The following LPCAT1 variants were observed in gnomAD, a reference collection of about 807,000 sequenced individuals.
The protein encoded by LPCAT1 is lysophosphatidylcholine acyltransferase 1, also known as 1-acylglycerol-3-phosphate O-acyltransferase.
Under a neutral mutation model 60.9 loss-of-function variants are expected in LPCAT1, and 23 were observed. The ratio of observed to expected loss-of-function variants is 0.38; its 90% CI spans 0.27 to 0.53. The LOEUF (loss-of-function observed/expected upper bound fraction) is 0.53, where lower values mean the gene tolerates loss of function less well. Among genes scored for constraint, LPCAT1 ranks in the 20% least tolerant of loss-of-function variants. LPCAT1 has a pLI of 0.82. For missense variants in LPCAT1, 622 were observed against 723.6 expected (o/e 0.86, Z 1.61); for synonymous variants, 340 against 301.1 (o/e 1.13, Z -1.34).
In LPCAT1 at chr5:1,522,465, G is replaced by C. The variant is rs375622214; in HGVS notation, c.135+1245C>G. Among the ~76,000 whole-genome samples, 1,784 of 152,240 alleles carry C rather than the reference G, an allele frequency of 0.012. 45 individuals are homozygous for C. The highest frequency in any genetic ancestry group is 0.041 in the African/African-American group (1,695 of 41,534). ...CCGACACACAGGGAGACGGGGGCCA[G>C]GGCCTGGGAGCCAGGCTGGGGACGA... On this transcript the variant is annotated intron_variant, in intron 1 of 13. Transcript: ENST00000283415. This position sits in a 1 kb window ranked among gnomAD's most constrained non-coding sequence, Gnocchi z 6.8.
chr5:1,482,702 T>G (rs1241335236), intron 6 of LPCAT1, among the ~76,000 whole-genome samples: 1 of 23,628 alleles, frequency 4.2e-5, no homozygotes, highest in African/African-American at 1.8e-4. Flanking sequence ...TGGGGTGTGA[T>G]GGGCCAGGGC....
intron 1 of LPCAT1, among the ~76,000 whole-genome samples, chr5:1,512,523 C>T (rs981347853): frequency 6.6e-6 from 1 of 152,226 alleles, no homozygotes; most frequent in Non-Finnish European, 1.5e-5. Context: ...GAAGTGCCCA[C>T]GGGGGGCCAC....
Position 1,523,581 on chromosome 5 carries a change from G to A in LPCAT1, c.135+129C>T, listed in dbSNP as rs1332655000. On this transcript the variant is annotated intron_variant, in intron 1 of 13. Coordinates refer to ENST00000283415, the MANE Select transcript of LPCAT1 (RefSeq NM_024830.5). This position sits in a 1 kb window ranked among gnomAD's most constrained non-coding sequence, Gnocchi z 7.1. Reference sequence around the variant, plus strand: ...TGAGGGGCGGCCGCGGGGAGGGAAGGCGCCGCGGCTCGCAGGGCCGCGCCG... The same window carrying A: ...TGAGGGGCGGCCGCGGGGAGGGAAGACGCCGCGGCTCGCAGGGCCGCGCCG... The A allele has an allele frequency of 1.4e-5, 8 of 557,678 alleles. No individual in the cohort carries two copies. Among genetic ancestry groups the A allele is most frequent in the Non-Finnish European group, 1.8e-5 (8 of 436,248 alleles). 34.5% of individuals were successfully genotyped at this position (557,678 alleles called of 1,614,324 possible). A position where few individuals can be genotyped will look rare whatever the true frequency, so the allele number is the denominator to read the frequency against.
chr5:1,465,664 C>T (rs190492108), intron 13 of LPCAT1, among the ~76,000 whole-genome samples: 7 of 151,778 alleles, frequency 4.6e-5, no homozygotes, highest in Non-Finnish European at 7.4e-5. Flanking sequence ...TAAACACGTG[C>T]GCTTTCAAAA....
Position 1,473,943 on chromosome 5 carries a change from G to C in LPCAT1, c.1179+14C>G. The stretch of plus-strand genomic sequence containing the variant: ...GTTTTGCCGACACCCCGCTCCGCAG[G>C]CGACAGGCCCTACCTCGTCGAACAG... On this transcript the variant is annotated intron_variant, in intron 11 of 13. Coordinates refer to ENST00000283415, the MANE Select transcript of LPCAT1 (RefSeq NM_024830.5). 6.2e-7 allele frequency: 1 copy of C among 1,609,242 alleles called. No homozygotes were observed. The highest frequency in any genetic ancestry group is 8.5e-7 in the Non-Finnish European group (1 of 1,176,740).
chr5:1,501,277 C>G (rs747602861), intron 2 of LPCAT1, among the ~76,000 whole-genome samples, 184 bp downstream of exon 2: 1 of 152,194 alleles, frequency 6.6e-6, no homozygotes, highest in African/African-American at 2.4e-5. Flanking sequence ...GCGTGGAAGA[C>G]AGAGGCAACG....
chr5:1,485,741 C>T (rs1400504729), intron 5 of LPCAT1, among the ~76,000 whole-genome samples: 1 of 151,868 alleles, frequency 6.6e-6, no homozygotes, highest in Non-Finnish European at 1.5e-5. Context: ...ACAGCCACAT[C>T]CATGTTTGCT....
At position 1,487,776 on chromosome 5, in the gene LPCAT1, C is replaced by T. The variant is rs1192484042; in HGVS notation, c.667+615G>A. ...CAGGATCCAGGTGGACCCTCTGACA[C>T]GCCCAAGGGTGTGCAGAATTCCAAA... is the stretch of plus-strand genomic sequence containing the variant. On this transcript the variant is annotated intron_variant, in intron 5 of 13. Coordinates refer to ENST00000283415, the MANE Select transcript of LPCAT1 (RefSeq NM_024830.5). The surrounding 1 kb of genome is among the most constrained non-coding windows in gnomAD (Gnocchi z 6.1). Among the ~76,000 whole-genome samples, 1 of 152,126 alleles carries T rather than the reference C, an allele frequency of 6.6e-6. No individual in the cohort carries two copies. The highest frequency in any genetic ancestry group is 1.5e-5 in the Non-Finnish European group (1 of 68,038).
chr5:1,520,860 C>CA (rs59074953), intron 1 of LPCAT1, among the ~76,000 whole-genome samples: 2,895 of 81,908 alleles, frequency 0.035, 152 homozygotes, highest in African/African-American at 0.13. Context: ...GAGACTGTCT[C>CA]AAAAAAAAAA....
chr5:1,507,965 A>G (rs1227724423), intron 1 of LPCAT1, among the ~76,000 whole-genome samples: 1 of 152,098 alleles, frequency 6.6e-6, no homozygotes, highest in East Asian at 1.9e-4. Flanking sequence ...GAGCTGGAGG[A>G]CCCTCCTGAT....
In LPCAT1 at chr5:1,474,645, A is replaced by C. The variant is rs776426210; in HGVS notation, c.940T>G (p.Cys314Gly). ...VSVTDYTFED[C>G]QLALAEGQLR... Reference sequence around the variant, plus strand: ...TGTCCTTCCGCCAGGGCCAGCTGGCAGTCCTCGAACGTGTAGTCAGTCACG... The same window carrying C: ...TGTCCTTCCGCCAGGGCCAGCTGGCCGTCCTCGAACGTGTAGTCAGTCACG... The change falls in exon 10 of 14, where the codon TGC (cysteine) becomes GGC (glycine). Residue 314 changes from cysteine to glycine, a missense_variant. Cys to Gly is a radical substitution (Grantham distance 159). Coordinates refer to ENST00000283415, the MANE Select transcript of LPCAT1 (RefSeq NM_024830.5). The C allele has an allele frequency of 1.2e-6, 2 of 1,613,982 alleles. No homozygotes were observed. Among genetic ancestry groups the C allele is most frequent in the Admixed American group, 3.3e-5 (2 of 60,004 alleles).
chr5:1,464,647 A>G (rs1318620727), intron 13 of LPCAT1, among the ~76,000 whole-genome samples: 3 of 151,280 alleles, frequency 2.0e-5, no homozygotes, highest in Non-Finnish European at 4.4e-5. Flanking sequence ...ATGCGTGCAC[A>G]CACACACACA....
intron 1 of LPCAT1, among the ~76,000 whole-genome samples, chr5:1,519,432 C>A (rs1736605029): frequency 1.3e-5 from 2 of 152,258 alleles, no homozygotes; most frequent in African/African-American, 4.8e-5. Flanking sequence ...TTGAACCCCC[C>A]TTCCCATTTT....
chr5:1,463,758 T>A lies in LPCAT1; in HGVS notation c.1498A>T (p.Ser500Cys), dbSNP rs1377761661. 1 of 1,614,250 alleles carries A rather than the reference T, an allele frequency of 6.2e-7. No homozygotes were observed. The highest frequency in any genetic ancestry group is 2.2e-5 in the East Asian group (1 of 44,878). ...YLYPDQTHFE[S>C]CAETSPAPIP... is the part of the protein sequence containing the mutation. Reference sequence around the variant, plus strand: ...GGCGCAGGTGAGGTCTCTGCACAGCTTTCGAAATGTGTCTGATCCGGGTAC... The same window carrying A: ...GGCGCAGGTGAGGTCTCTGCACAGCATTCGAAATGTGTCTGATCCGGGTAC... The change falls in exon 14 of 14, where the codon AGC becomes TGC. Residue 500 changes from serine (S) to cysteine (C), a missense_variant. Physicochemically the swap from Ser to Cys is moderately radical, Grantham distance 112. Transcript: ENST00000283415.
At chr5:1,511,375 G>A (rs568067075) in intron 1 of LPCAT1, among the ~76,000 whole-genome samples, 38 of 151,780 alleles carry the variant, frequency 2.5e-4, no homozygotes, top group South Asian at 8.3e-4. Context: ...CTCACCCTAC[G>A]TGGGGACATC....
At chr5:1,469,444 G>C (rs762072057) in intron 12 of LPCAT1, among the ~76,000 whole-genome samples, 1 of 152,214 alleles carries the variant, frequency 6.6e-6, no homozygotes, top group Non-Finnish European at 1.5e-5. Context: ...GCTGTCATTC[G>C]TTCCAGGTTA....
intron 2 of LPCAT1, among the ~76,000 whole-genome samples, chr5:1,498,281 T>G (rs188310392): frequency 4.7e-4 from 71 of 152,326 alleles, no homozygotes; most frequent in African/African-American, 1.6e-3. Flanking sequence ...TGACTAGGTT[T>G]CCCCTTGGGG....
In LPCAT1 at chr5:1,496,523, G is replaced by GC. The variant is rs1342046495; in HGVS notation, c.279-1610dup. Among the ~76,000 whole-genome samples the GC allele has an allele frequency of 2.0e-5, 3 of 152,070 alleles. No homozygotes were observed. The highest frequency in any genetic ancestry group is 2.1e-4 in the South Asian group (1 of 4,824). On this transcript the variant is annotated intron_variant, in intron 2 of 13. Coordinates refer to ENST00000283415, the MANE Select transcript of LPCAT1 (RefSeq NM_024830.5). This position sits in a 1 kb window ranked among gnomAD's most constrained non-coding sequence, Gnocchi z 4.7. ...AGGGAGAAGCGAGGCTGCAGAGGAG[G>GC]CTGCGGCGGGCACAGGAGCCAGTCT...
chr5:1,466,312 G>T (rs1006378204), intron 13 of LPCAT1, among the ~76,000 whole-genome samples: 3 of 152,134 alleles, frequency 2.0e-5, no homozygotes, highest in Non-Finnish European at 2.9e-5. Context: ...CGCCCTGGGC[G>T]GCACGGGGGT....
Sources: gnomAD v4.1 joint callset for allele counts (sites outside exome capture counted in the v4.1 genomes callset) on GRCh38, gnomAD v4.1.1 for gene constraint, Gnocchi (gnomAD v3.1) non-coding constraint, MANE v1.5 for transcripts, NCBI Gene and HGNC (gene_info 2026-07-23, HGNC 2026-07-21) for gene names.